Variants in APOL3 observed in about 807,000 individuals in gnomAD.
APOL3 encodes the protein apolipoprotein L3.
A neutral mutation model predicts 11.6 loss-of-function variants in APOL3; 14 were observed. The observed-to-expected ratio is 1.21, with a 90% CI of 0.80 to 1.89. The LOEUF (loss-of-function observed/expected upper bound fraction) is 1.89, where lower values mean the gene tolerates loss of function less well. APOL3 is among the 40% of genes most tolerant of loss of function. The probability of loss-of-function intolerance (pLI) is 0.00; values close to 1 mark genes in which losing one functional copy is unlikely to be tolerated. For synonymous variants in APOL3, 192 were observed against 190.6 expected (o/e 1.01, Z -0.06); for missense variants, 483 against 492.1 (o/e 0.98, Z 0.17).
At chr22:36,162,494 C>A (rs536370872), upstream of APOL3, among the ~76,000 whole-genome samples, 9 of 152,170 alleles carry the variant, frequency 5.9e-5, no homozygotes, top group African/African-American at 2.2e-4. Context: ...AGTTATATAA[C>A]CATAAACTGC....
upstream of APOL3, chr22:36,165,214 C>T (rs1236274541): frequency 6.6e-6 from 1 of 150,762 alleles, no homozygotes; most frequent in Non-Finnish European, 1.5e-5. Context: ...TCCTTAACTC[C>T]ATTTTTACTG....
chr22:36,147,976 G>T (rs1169557158), intron 1 of APOL3, among the ~76,000 whole-genome samples: 1 of 152,140 alleles, frequency 6.6e-6, no homozygotes, highest in Non-Finnish European at 1.5e-5. Context: ...TGACAGACGG[G>T]TACACGACTA....
At position 36,145,453 on chromosome 22, in the gene APOL3, G is replaced by A. The variant is rs2060158874; in HGVS notation, c.350+20C>T. 2 of 1,613,176 alleles carry A rather than the reference G, an allele frequency of 1.2e-6. No individual in the cohort carries two copies. Among genetic ancestry groups the A allele is most frequent in the South Asian group, 2.2e-5 (2 of 90,946 alleles). On this transcript the variant is annotated intron_variant, in intron 2 of 2. Transcript: ENST00000349314. ...TGGCATAGCCGGGGCGCCCCATGGA[G>A]GTAACCCCACGGAGGTTACCTGGGC...
exon 3 of APOL3, chr22:36,140,980 C>G (rs2059962743): frequency 1.6e-6 from 1 of 615,514 alleles, no homozygotes; most frequent in African/African-American, 1.8e-5. Flanking sequence ...AGTCCCCTCT[C>G]CTCCCTTATT....
intron 2 of APOL3, among the ~76,000 whole-genome samples, chr22:36,144,326 C>G (rs2060107698): frequency 6.6e-6 from 1 of 152,184 alleles, no homozygotes; most frequent in African/African-American, 2.4e-5. Context: ...ACCCCTGGCT[C>G]TGCCCCTGAA....
At chr22:36,146,649 AATATGACACAGGGTGC>A (rs1160480023) in intron 1 of APOL3, among the ~76,000 whole-genome samples, 1 of 152,014 alleles carries the variant, frequency 6.6e-6, no homozygotes, top group Non-Finnish European at 1.5e-5. Flanking sequence ...AATCTGTGTC[AATATGACACAGGGTGC>A]ATATGCTGTA....
At chr22:36,158,716 G>T (rs2013306417) in intron 1 of APOL3, among the ~76,000 whole-genome samples, 1 of 152,128 alleles carries the variant, frequency 6.6e-6, no homozygotes, top group African/African-American at 2.4e-5. Context: ...CTACTCAGGA[G>T]GGTGAGCTGG....
intron 1 of APOL3, among the ~76,000 whole-genome samples, chr22:36,148,298 C>CGCCCT (rs759564557): frequency 9.2e-5 from 14 of 152,154 alleles, no homozygotes; most frequent in Non-Finnish European, 1.8e-4. Flanking sequence ...GCAGGGCAGG[C>CGCCCT]GCCCTGGGGG....
At chr22:36,157,777 C>T (rs1035448977) in intron 1 of APOL3, among the ~76,000 whole-genome samples, 1 of 152,096 alleles carries the variant, frequency 6.6e-6, no homozygotes, top group Non-Finnish European at 1.5e-5. Context: ...TAGCCAGGTG[C>T]GGTGGCTCAT....
chr22:36,145,026 G>A (rs1807498), intron 2 of APOL3, among the ~76,000 whole-genome samples: 48,971 of 122,906 alleles, frequency 0.4, 10,723 homozygotes, highest in South Asian at 0.61. Context: ...AAAAAAAAAA[G>A]AAAAAAAAAG....
chr22:36,154,206 G>T (rs2012332688), intron 1 of APOL3, among the ~76,000 whole-genome samples: 1 of 152,172 alleles, frequency 6.6e-6, no homozygotes, highest in Non-Finnish European at 1.5e-5. Flanking sequence ...CAGTCTTTCA[G>T]GTTAAATTTT....
intron 1 of APOL3, among the ~76,000 whole-genome samples, chr22:36,153,909 A>C (rs2012268912): frequency 6.6e-6 from 1 of 152,212 alleles, no homozygotes. Context: ...AAGGCGGGAC[A>C]ACTCAAAGTG....
upstream of APOL3, among the ~76,000 whole-genome samples, chr22:36,163,840 C>T (rs751178477): frequency 6.6e-6 from 1 of 152,230 alleles, no homozygotes; most frequent in Non-Finnish European, 1.5e-5. Context: ...GATGTCTCCA[C>T]AGACAAATAC....
chr22:36,142,950 C>T (rs901383933), intron 2 of APOL3, among the ~76,000 whole-genome samples: 13 of 152,192 alleles, frequency 8.5e-5, no homozygotes, highest in African/African-American at 2.2e-4. Flanking sequence ...TGTCTGATCA[C>T]GGTCTTCACC....
At chr22:36,143,398 C>T (rs191792833) in intron 2 of APOL3, among the ~76,000 whole-genome samples, 114 of 152,334 alleles carry the variant, frequency 7.5e-4, no homozygotes, top group African/African-American at 2.4e-3. Flanking sequence ...CAGTGAGTTA[C>T]GTAAGTCTTT....
chr22:36,140,895 C>T, exon 3 of APOL3: 1 of 323,906 alleles, frequency 3.1e-6, no homozygotes, highest in Admixed American at 4.5e-5. Flanking sequence ...TTCCTGCACA[C>T]CTCCCCTCTA....
intron 1 of APOL3, 94 bp downstream of exon 1, chr22:36,160,575 C>G (rs902200187): frequency 1.5e-6 from 2 of 1,350,418 alleles, no homozygotes; most frequent in Middle Eastern, 2.5e-4. Flanking sequence ...TACCTAACCT[C>G]TCTGAGCTCA....
At chr22:36,153,228 AT>A in intron 1 of APOL3, 1 of 328,202 alleles carries the variant, frequency 3.0e-6, no homozygotes, top group Non-Finnish European at 6.2e-6. Context: ...TTATTAATTG[AT>A]TTTTTTAAAT....
At chr22:36,141,936 T>C in exon 3 of APOL3, 1 of 1,614,188 alleles carries the variant, frequency 6.2e-7, no homozygotes, top group Non-Finnish European at 8.5e-7. Flanking sequence ...CCTCTTGACT[T>C]GGGGAAACTC....
Sources: allele counts gnomAD v4.1 joint callset (sites outside exome capture counted in the v4.1 genomes callset), GRCh38; gene constraint gnomAD v4.1.1; transcripts MANE v1.5; gene names NCBI Gene and HGNC (gene_info 2026-07-23, HGNC 2026-07-21).